Variants in SNX9 observed in about 807,000 individuals in gnomAD.
The protein encoded by SNX9 is sorting nexin-9.
Under a neutral mutation model 89.4 loss-of-function variants are expected in SNX9, and 44 were observed. The observed-to-expected ratio is 0.49, with a 90% confidence interval of 0.39 to 0.63. SNX9 has a LOEUF of 0.63. Ranked by LOEUF, SNX9 falls within the 30% of genes least tolerant of loss-of-function variation. The pLI is 0.00. For missense variants in SNX9, 578 were observed against 736.1 expected, an observed-to-expected ratio of 0.79 and a Z score of 2.49; for synonymous variants, 236 against 247.8, an observed-to-expected ratio of 0.95 and a Z score of 0.45.
intron 1 of SNX9, among the ~76,000 whole-genome samples, chr6:157,831,222 G>T (rs1164830970): frequency 6.6e-6 from 1 of 151,966 alleles, no homozygotes; most frequent in Non-Finnish European, 1.5e-5. Flanking sequence ...GATTTGATTT[G>T]ATTTTTCCTT....
At chr6:157,825,794 A>G (rs1019579531) in intron 1 of SNX9, among the ~76,000 whole-genome samples, 1 of 152,162 alleles carries the variant, frequency 6.6e-6, no homozygotes, top group African/African-American at 2.4e-5. Context: ...CAGAGAGTCA[A>G]GTTGGTGCTT....
At chr6:157,917,324 T>C (rs1783492789) in intron 9 of SNX9, among the ~76,000 whole-genome samples, 1 of 152,130 alleles carries the variant, frequency 6.6e-6, no homozygotes, top group African/African-American at 2.4e-5. Context: ...TTATCATTTC[T>C]ATCGCTTGGT....
intron 9 of SNX9, among the ~76,000 whole-genome samples, chr6:157,910,381 A>G (rs1184435531): frequency 1.3e-5 from 2 of 152,250 alleles, no homozygotes; most frequent in Non-Finnish European, 2.9e-5. Context: ...ATAGCCTAAA[A>G]TGGAAATAAA....
chr6:157,848,622 C>T (rs1043713802), intron 1 of SNX9, among the ~76,000 whole-genome samples: 4 of 152,180 alleles, frequency 2.6e-5, no homozygotes, highest in African/African-American at 9.7e-5. Context: ...TTGGAAATGG[C>T]AGTGAAACTT....
At chr6:157,872,860 C>G (rs926091028) in intron 2 of SNX9, 4 of 333,504 alleles carry the variant, frequency 1.2e-5, no homozygotes, top group Non-Finnish European at 2.2e-5. Flanking sequence ...ATCTAATCAT[C>G]AGCTGTTTTC....
intron 1 of SNX9, among the ~76,000 whole-genome samples, chr6:157,834,271 G>T (rs1173113351): frequency 2.1e-5 from 3 of 143,724 alleles, no homozygotes; most frequent in Non-Finnish European, 3.0e-5. Context: ...GGGCTCCAGC[G>T]ATCCTCTCAC....
intron 17 of SNX9, among the ~76,000 whole-genome samples, chr6:157,942,555 T>C (rs1483725520): frequency 1.3e-5 from 2 of 152,240 alleles, no homozygotes; most frequent in East Asian, 3.8e-4. Flanking sequence ...GGAGCATGTG[T>C]AGACGCCTCC....
intron 15 of SNX9, among the ~76,000 whole-genome samples, chr6:157,938,276 C>T (rs1783966569): frequency 6.6e-6 from 1 of 152,238 alleles, no homozygotes; most frequent in Admixed American, 6.5e-5. Context: ...ACATGCTGCC[C>T]TGTACCTAGC....
intron 1 of SNX9, among the ~76,000 whole-genome samples, chr6:157,836,812 C>T (rs908307913): frequency 1.1e-4 from 16 of 152,016 alleles, no homozygotes; most frequent in Non-Finnish European, 1.9e-4. Flanking sequence ...CGGATGGTCT[C>T]GATCTCCTGA....
chr6:157,935,752 C>T (rs549613247), intron 13 of SNX9, among the ~76,000 whole-genome samples: 2 of 152,208 alleles, frequency 1.3e-5, no homozygotes, highest in South Asian at 4.1e-4. Context: ...CCGGTGAAAG[C>T]GGGTCGGGGT....
At chr6:157,851,134 T>C (rs1045705902) in intron 1 of SNX9, among the ~76,000 whole-genome samples, 8 of 151,996 alleles carry the variant, frequency 5.3e-5, no homozygotes, top group Admixed American at 5.2e-4. Flanking sequence ...GGCACATGCC[T>C]GTAATCCCAG....
rs1418384334 is a variant in SNX9, at chr6:157,909,775, T to C, written c.816T>C (p.Tyr272=). 10 of 1,614,142 alleles carry C rather than the reference T, an allele frequency of 6.2e-6. No homozygotes were observed. Among genetic ancestry groups the C allele is most frequent in the Non-Finnish European group, 8.5e-6 (10 of 1,180,030 alleles). Reference sequence around the variant, plus strand: ...ATGGTCTAAAGAGCTACATCGAATATCAGCTAACACCTACTGTAAGTATCC... The same window carrying C: ...ATGGTCTAAAGAGCTACATCGAATACCAGCTAACACCTACTGTAAGTATCC... ...KMYGLKSYIE[Y]QLTPTNTNRS... The change falls in exon 8 of 18, where the codon TAT becomes TAC. Residue 272 remains tyrosine, a synonymous_variant. Transcript: ENST00000392185.
intron 4 of SNX9, among the ~76,000 whole-genome samples, chr6:157,876,313 G>A (rs1459583404): frequency 2.0e-5 from 3 of 152,170 alleles, no homozygotes; most frequent in African/African-American, 2.4e-5. Flanking sequence ...TTAGCTAGGT[G>A]TGGTGGCAGG....
chr6:157,843,885 T>C (rs570948890), intron 1 of SNX9, among the ~76,000 whole-genome samples: 1 of 148,948 alleles, frequency 6.7e-6, no homozygotes, highest in South Asian at 2.2e-4. Flanking sequence ...TTTTTTTTTT[T>C]TTTTTTTGAG....
intron 1 of SNX9, among the ~76,000 whole-genome samples, chr6:157,847,681 G>A (rs1187412710): frequency 1.3e-5 from 2 of 152,108 alleles, no homozygotes; most frequent in South Asian, 2.1e-4. Flanking sequence ...AGGAAGGAGG[G>A]AGGAAGCTTC....
At chr6:157,915,455 A>G (rs886907176) in intron 9 of SNX9, among the ~76,000 whole-genome samples, 2 of 151,534 alleles carry the variant, frequency 1.3e-5, no homozygotes, top group South Asian at 4.2e-4. Context: ...GTAGTCTTCA[A>G]CATACAGATT....
intron 1 of SNX9, among the ~76,000 whole-genome samples, chr6:157,850,736 T>C (rs919011123): frequency 6.6e-6 from 1 of 152,182 alleles, no homozygotes; most frequent in Non-Finnish European, 1.5e-5. Context: ...ATTTAAAATA[T>C]TTTATTTTTC....
At chr6:157,841,603 G>T (rs1781704458) in intron 1 of SNX9, among the ~76,000 whole-genome samples, 1 of 152,130 alleles carries the variant, frequency 6.6e-6, no homozygotes, top group African/African-American at 2.4e-5. Flanking sequence ...GCTGTGTGTA[G>T]CTTTCCCATG....
intron 9 of SNX9, among the ~76,000 whole-genome samples, chr6:157,920,410 G>A (rs990719377): frequency 5.9e-5 from 9 of 152,104 alleles, no homozygotes; most frequent in Non-Finnish European, 1.0e-4. Context: ...CACTCCAAGC[G>A]AGCCTTCTAC....
Sources: gnomAD v4.1 joint callset for allele counts (sites outside exome capture counted in the v4.1 genomes callset) on GRCh38, gnomAD v4.1.1 for gene constraint, MANE v1.5 for transcripts, NCBI Gene and HGNC (gene_info 2026-07-23, HGNC 2026-07-21) for gene names.